The following DNAI1 variants were observed in gnomAD, a reference collection of about 807,000 sequenced individuals.
The protein encoded by DNAI1 is dynein, axonemal, intermediate polypeptide 1.
A neutral mutation model predicts 92.0 loss-of-function variants in DNAI1; 67 were observed. The observed-to-expected ratio is 0.73, with a 90% CI of 0.60 to 0.89. The LOEUF is 0.89. Ranked by LOEUF, DNAI1 falls within the 40% of genes least tolerant of loss-of-function variation. The pLI, the probability that DNAI1 is intolerant of heterozygous loss-of-function variation, is 0.00. For missense variants in DNAI1, 839 were observed against 866.6 expected, an observed-to-expected ratio of 0.97 and a Z score of 0.40; for synonymous variants, 323 against 319.6, an observed-to-expected ratio of 1.01 and a Z score of -0.11.
At chr9:34,475,641 C>G (rs927368214) in intron 1 of DNAI1, among the ~76,000 whole-genome samples, 2 of 152,186 alleles carry the variant, frequency 1.3e-5, no homozygotes, top group African/African-American at 4.8e-5. Flanking sequence ...TAACAAGCCT[C>G]TGATTGTCTG....
chr9:34,493,324 C>G lies in DNAI1; in HGVS notation c.812C>G (p.Ser271Cys). 1 of 1,614,050 alleles carries G rather than the reference C, an allele frequency of 6.2e-7. No homozygotes were observed. Among genetic ancestry groups the G allele is most frequent in the Non-Finnish European group, 8.5e-7 (1 of 1,179,918 alleles). ...MAMRKLTSME[S>C]QTDDLIKLSQ... The stretch of plus-strand genomic sequence containing the variant: ...ATGAGGAAGCTGACATCTATGGAGT[C>G]TCAGGTTTGGTGTTAGTTCCTACAG... The change falls in exon 9 of 20, where the codon TCT (serine) becomes TGT (cysteine). Residue 271 changes from serine (S) to cysteine (C), a missense_variant. Transcript: ENST00000242317.
intron 18 of DNAI1, among the ~76,000 whole-genome samples, chr9:34,515,625 T>C (rs1357205446): frequency 1.3e-5 from 2 of 152,166 alleles, no homozygotes; most frequent in African/African-American, 4.8e-5. Context: ...AAATATAGTC[T>C]CTCCTTGGGG....
intron 1 of DNAI1, among the ~76,000 whole-genome samples, chr9:34,473,746 G>A (rs1187830719): frequency 1.3e-5 from 2 of 152,160 alleles, no homozygotes; most frequent in African/African-American, 2.4e-5. Flanking sequence ...GTTGGTTTGA[G>A]ACAGGGTTTA....
intron 1 of DNAI1, among the ~76,000 whole-genome samples, chr9:34,465,343 C>A (rs1255051579): frequency 6.6e-6 from 1 of 152,110 alleles, no homozygotes; most frequent in African/African-American, 2.4e-5. Context: ...CAGGAGGAGG[C>A]ACACTTTGTA....
At chr9:34,469,070 C>T (rs967717639) in intron 1 of DNAI1, among the ~76,000 whole-genome samples, 1 of 151,948 alleles carries the variant, frequency 6.6e-6, no homozygotes, top group East Asian at 1.9e-4. Context: ...ACTCAGTGAG[C>T]CCCAAGCAGG....
At chr9:34,492,100 GT>G in intron 8 of DNAI1, among the ~76,000 whole-genome samples, 2 of 152,302 alleles carry the variant, frequency 1.3e-5, no homozygotes, top group South Asian at 4.1e-4. Flanking sequence ...TAATGCCTCA[GT>G]TTCTTTCTCT....
Position 34,497,230 on chromosome 9 carries a change from A to G in DNAI1, c.901+31A>G, listed in dbSNP as rs772074361. On this transcript the variant is annotated intron_variant, in intron 10 of 19. Coordinates refer to ENST00000242317, the MANE Select transcript of DNAI1 (RefSeq NM_012144.4). The stretch of plus-strand genomic sequence containing the variant: ...AGTTGAAGTTCTGGCAACCACTATT[A>G]TTGCCTGTATTAAAAATTTCTCATA... 4 of 1,541,272 alleles carry G rather than the reference A, an allele frequency of 2.6e-6. No individual in the cohort carries two copies. In the South Asian group the frequency reaches 4.5e-5, roughly 17 times the overall value.
At chr9:34,467,955 C>A (rs1824068248) in intron 1 of DNAI1, among the ~76,000 whole-genome samples, 1 of 152,104 alleles carries the variant, frequency 6.6e-6, no homozygotes, top group South Asian at 2.1e-4. Context: ...GGGAGTAACA[C>A]AGATGTTGGA....
chr9:34,514,334 A>G (rs1435104307), intron 16 of DNAI1, 60 bp from the exon 17 acceptor site: 1 of 1,598,600 alleles, frequency 6.3e-7, no homozygotes, highest in Non-Finnish European at 8.5e-7. Context: ...CCAGACCCCC[A>G]GGGAAGTGGT....
chr9:34,476,802 T>A (rs992004644), intron 1 of DNAI1, among the ~76,000 whole-genome samples: 4 of 152,220 alleles, frequency 2.6e-5, no homozygotes, highest in Admixed American at 2.6e-4. Context: ...AATCAGCCAC[T>A]ATCACCTGTG....
In DNAI1 at chr9:34,512,426, T is replaced by G. The variant is rs1825084931; in HGVS notation, c.1489+2T>G. 1.2e-6 allele frequency: 2 copies of G among 1,614,002 alleles called. No individual in the cohort carries two copies. Among genetic ancestry groups the G allele is most frequent in the Non-Finnish European group, 1.7e-6 (2 of 1,179,936 alleles). ...AGGGGTTGCAGCTGCACCCAGTGGG[T>G]AGGAGCCCCAGCCCTCTCACCTCCA... On this transcript the variant is annotated splice_donor_variant, in intron 15 of 19. Transcript: ENST00000242317. LOFTEE classifies it high-confidence loss of function.
rs3039302 is a variant in DNAI1 at position 34,467,440 on chromosome 9, T to TACACACAC, written c.48+8422_48+8429dup. On this transcript the variant is annotated intron_variant, in intron 1 of 19. Transcript: ENST00000242317. ...CAGCAAGACCCCATCTCTACACAAATACACACACACACACACACACACACA... is the reference window on the plus strand; with the variant it reads ...CAGCAAGACCCCATCTCTACACAAATACACACACACACACACACACACACACACACACA... Among the ~76,000 whole-genome samples, 474 of 137,466 alleles carry TACACACAC rather than the reference T, an allele frequency of 3.4e-3. 2 individuals are homozygous for TACACACAC. Among genetic ancestry groups the TACACACAC allele is most frequent in the Non-Finnish European group, 4.2e-3 (268 of 63,948 alleles). 90.2% of individuals were successfully genotyped at this position (137,466 alleles called of 152,430 possible). A position where few individuals can be genotyped will look rare whatever the true frequency, so the allele number is the denominator to read the frequency against.
At chr9:34,489,302 A>C in intron 4 of DNAI1, 21 bp from the exon 5 acceptor site, 1 of 1,613,638 alleles carries the variant, frequency 6.2e-7, no homozygotes, top group Non-Finnish European at 8.5e-7. Flanking sequence ...CCCTGGTCTG[A>C]CTCAGCCCCT....
At chr9:34,489,493 C>T (rs1345484603) in intron 5 of DNAI1, 44 bp downstream of exon 5, 2 of 1,609,944 alleles carry the variant, frequency 1.2e-6, no homozygotes, top group Admixed American at 3.3e-5. Flanking sequence ...TGAGCCTGTT[C>T]CCCTTATTCT....
At position 34,490,129 on chromosome 9, in the gene DNAI1, A is replaced by G. The variant is rs755531457; in HGVS notation, c.501+5A>G. 4 of 1,613,914 alleles carry G rather than the reference A, an allele frequency of 2.5e-6. No homozygotes were observed. The East Asian group carries it at 8.9e-5, about 36-fold the overall frequency. ...ACAGATGTGCCTGCAGCTGGGGTAC[A>G]GTATAATATCGCTCTGTGTCCCTCT... is the stretch of plus-strand genomic sequence containing the variant. On this transcript the variant is annotated splice_donor_5th_base_variant and intron_variant, in intron 6 of 19. Coordinates refer to ENST00000242317, the MANE Select transcript of DNAI1 (RefSeq NM_012144.4).
At chr9:34,502,908 A>G (rs1190489991) in intron 12 of DNAI1, among the ~76,000 whole-genome samples, 1 of 152,144 alleles carries the variant, frequency 6.6e-6, no homozygotes, top group Non-Finnish European at 1.5e-5. Context: ...TTCCAGGGCT[A>G]TTGTGAGGTA....
At position 34,512,129 on chromosome 9, in the gene DNAI1, C is replaced by G; in HGVS notation, c.1332C>G (p.Asp444Glu). The change falls in exon 14 of 20, where the codon GAC becomes GAG. Residue 444 changes from aspartate to glutamate, a missense_variant. Transcript: ENST00000242317. ...TTCAGGTCAAGTGGCAGAAGGATGACATGGACCAAAACCTTAACTTCTTCT... is the reference window on the plus strand; with the variant it reads ...TTCAGGTCAAGTGGCAGAAGGATGAGATGGACCAAAACCTTAACTTCTTCT... ...PVWQVKWQKD[D>E]MDQNLNFFSV... 6.2e-7 allele frequency: 1 copy of G among 1,614,176 alleles called. No homozygotes were observed. The highest frequency in any genetic ancestry group is 8.5e-7 in the Non-Finnish European group (1 of 1,180,028).
At chr9:34,509,570 C>G (rs1825024019) in intron 13 of DNAI1, among the ~76,000 whole-genome samples, 1 of 151,618 alleles carries the variant, frequency 6.6e-6, no homozygotes, top group Admixed American at 6.6e-5. Flanking sequence ...TCGAAAATTG[C>G]TGCCCAGCCA....
intron 19 of DNAI1, among the ~76,000 whole-genome samples, chr9:34,520,139 C>A (rs1825241771): frequency 6.6e-6 from 1 of 152,146 alleles, no homozygotes; most frequent in South Asian, 2.1e-4. Context: ...AGGTCTCGCC[C>A]CAAATAGCAC....
Sources: allele counts gnomAD v4.1 joint callset (sites outside exome capture counted in the v4.1 genomes callset), GRCh38; gene constraint gnomAD v4.1.1; transcripts MANE v1.5; gene names NCBI Gene and HGNC (gene_info 2026-07-23, HGNC 2026-07-21).